The following TUSC3 variants were observed in gnomAD, a reference collection of about 807,000 sequenced individuals.
TUSC3 encodes the protein tumor suppressor candidate 3, also known as dolichyl-diphosphooligosaccharide--protein glycosyltransferase subunit TUSC3.
A neutral mutation model predicts 44.8 loss-of-function variants in TUSC3; 45 were observed. The observed-to-expected ratio is 1.00, with a 90% CI of 0.79 to 1.29. The LOEUF is 1.29. Among genes scored for constraint, TUSC3 ranks in the 50% most tolerant of loss-of-function variants. The pLI, the probability that TUSC3 is intolerant of heterozygous loss-of-function variation, is 0.00. For missense variants in TUSC3, 519 were observed against 437.9 expected, an observed-to-expected ratio of 1.19 and a Z score of -1.65; for synonymous variants, 212 against 152.9, an observed-to-expected ratio of 1.39 and a Z score of -2.85.
chr8:15,665,330 T>G (rs1341062104), intron 5 of TUSC3, among the ~76,000 whole-genome samples: 1 of 151,472 alleles, frequency 6.6e-6, no homozygotes, highest in Non-Finnish European at 1.5e-5. Context: ...CCATGCTGAC[T>G]TTTTAGTAAA....
At chr8:15,664,114 C>T (rs1807548182) in intron 5 of TUSC3, among the ~76,000 whole-genome samples, 1 of 151,720 alleles carries the variant, frequency 6.6e-6, no homozygotes, top group Non-Finnish European at 1.5e-5. Flanking sequence ...TGCTTCATAA[C>T]TGTGCAAAGG....
chr8:15,459,561 G>T (rs1413365026), intron 1 of TUSC3, among the ~76,000 whole-genome samples: 1 of 151,948 alleles, frequency 6.6e-6, no homozygotes, highest in African/African-American at 2.4e-5. Context: ...TTTTGGTGCA[G>T]CCATCGCCCA....
chr8:15,754,102 C>A (rs1054346742), intron 9 of TUSC3, among the ~76,000 whole-genome samples: 2 of 151,990 alleles, frequency 1.3e-5, no homozygotes, highest in African/African-American at 4.8e-5. Context: ...TTAAAAACTA[C>A]TCACATCAGA....
At chr8:15,568,047 T>A (rs577727364) in intron 1 of TUSC3, among the ~76,000 whole-genome samples, 1 of 152,168 alleles carries the variant, frequency 6.6e-6, no homozygotes, top group Non-Finnish European at 1.5e-5. Context: ...GCTACACATA[T>A]TACTCATTCC....
At chr8:15,550,000 C>T (rs1319964353) in intron 1 of TUSC3, among the ~76,000 whole-genome samples, 3 of 151,644 alleles carry the variant, frequency 2.0e-5, no homozygotes, top group Non-Finnish European at 4.4e-5. Context: ...CTAAGGGGAT[C>T]CATGTGAGAG....
chr8:15,445,000 A>G (rs1031244018), intron 1 of TUSC3, among the ~76,000 whole-genome samples: 5 of 152,174 alleles, frequency 3.3e-5, no homozygotes, highest in Admixed American at 3.3e-4. Context: ...TTCCTGTGCT[A>G]TGTCAGTTTA....
intron 1 of TUSC3, among the ~76,000 whole-genome samples, chr8:15,610,744 C>T (rs73193384): frequency 0.08 from 12,099 of 152,152 alleles, 606 homozygotes; most frequent in South Asian, 0.24. Context: ...TATATTAGAG[C>T]GTAAAAGTTT....
At chr8:15,609,509 T>G (rs1804670917) in intron 1 of TUSC3, among the ~76,000 whole-genome samples, 1 of 152,108 alleles carries the variant, frequency 6.6e-6, no homozygotes, top group Non-Finnish European at 1.5e-5. Context: ...TATAAATGAA[T>G]GTCCAACAGA....
At chr8:15,545,211 C>T (rs1396810373) in intron 1 of TUSC3, among the ~76,000 whole-genome samples, 1 of 151,472 alleles carries the variant, frequency 6.6e-6, no homozygotes, top group African/African-American at 2.4e-5. Flanking sequence ...ATATTTCTTC[C>T]TTGAAAGCAA....
At chr8:15,566,404 TTA>T (rs1273119847) in intron 1 of TUSC3, among the ~76,000 whole-genome samples, 1 of 152,088 alleles carries the variant, frequency 6.6e-6, no homozygotes, top group East Asian at 1.9e-4. Context: ...CCTCATAGGA[TTA>T]TTTTGAACAT....
chr8:15,697,470 T>C (rs1809218094), intron 6 of TUSC3, among the ~76,000 whole-genome samples: 1 of 152,210 alleles, frequency 6.6e-6, no homozygotes, highest in Non-Finnish European at 1.5e-5. Flanking sequence ...GAGGTTTTGA[T>C]AGGTTTTGGC....
the TUSC3 span, among the ~76,000 whole-genome samples, chr8:15,790,025 G>C: frequency 6.6e-6 from 1 of 152,138 alleles, no homozygotes; most frequent in African/African-American, 2.4e-5. Context: ...CCCAGAGCCA[G>C]AAGCATGTGG....
At chr8:15,441,262 T>C (rs1023447670) in intron 1 of TUSC3, among the ~76,000 whole-genome samples, 1 of 151,884 alleles carries the variant, frequency 6.6e-6, no homozygotes, top group Non-Finnish European at 1.5e-5. Flanking sequence ...CAAAAATTAG[T>C]CGGGCATGGT....
chr8:15,447,428 T>A lies in TUSC3; in HGVS notation n.91+30123T>A, dbSNP rs559576008. ...TTAATGGAGATTAAAGACACAAGTTTAAATTACTTCATTATGAAACTAAAA... is the reference window on the plus strand; with the variant it reads ...TTAATGGAGATTAAAGACACAAGTTAAAATTACTTCATTATGAAACTAAAA... On this transcript the variant is annotated intron_variant and non_coding_transcript_variant, in intron 1 of 5. Transcript: ENST00000503191. 3.3e-5 allele frequency among the ~76,000 whole-genome samples: 5 copies of A among 152,306 alleles called. No individual in the cohort carries two copies. In the East Asian group the frequency reaches 9.6e-4, roughly 29 times the overall value.
chr8:15,610,879 A>G (rs901009878), intron 1 of TUSC3, among the ~76,000 whole-genome samples: 6 of 152,048 alleles, frequency 3.9e-5, no homozygotes, highest in African/African-American at 7.2e-5. Context: ...CCTCAGGGAA[A>G]ATTTCTGAGG....
intron 1 of TUSC3, among the ~76,000 whole-genome samples, chr8:15,589,895 C>T (rs1803752064): frequency 6.6e-6 from 1 of 152,056 alleles, no homozygotes; most frequent in African/African-American, 2.4e-5. Context: ...TCTCACTATC[C>T]CTAGTGAGGA....
chr8:15,809,029 G>A, the TUSC3 span, among the ~76,000 whole-genome samples: 1 of 152,248 alleles, frequency 6.6e-6, no homozygotes, highest in East Asian at 1.9e-4. Flanking sequence ...AAACTCAAGA[G>A]ACAAGGGTTG....
the TUSC3 span, among the ~76,000 whole-genome samples, chr8:15,817,068 T>C: frequency 6.6e-6 from 1 of 152,190 alleles, no homozygotes; most frequent in African/African-American, 2.4e-5. Context: ...ACTCCAGCAG[T>C]AATTTCCGTA....
At chr8:15,506,337 C>T (rs1221023350) in intron 2 of TUSC3, among the ~76,000 whole-genome samples, 1 of 152,164 alleles carries the variant, frequency 6.6e-6, no homozygotes, top group Non-Finnish European at 1.5e-5. Flanking sequence ...AATCCCTTTT[C>T]CCCAAAGTCA....
Sources: allele counts gnomAD v4.1 joint callset (sites outside exome capture counted in the v4.1 genomes callset), GRCh38; gene constraint gnomAD v4.1.1; transcripts MANE v1.5; gene names NCBI Gene and HGNC (gene_info 2026-07-23, HGNC 2026-07-21).